Variants in ZBTB7C observed in about 807,000 individuals in gnomAD.
ZBTB7C encodes the protein zinc finger and BTB domain containing 7C, also known as zinc finger and BTB domain-containing protein 7C.
ZBTB7C carries 8 observed loss-of-function variants against 25.7 expected under a neutral mutation model. That is an observed-to-expected ratio of 0.31 (90% CI 0.18 to 0.56). The LOEUF (loss-of-function observed/expected upper bound fraction) is 0.56, where lower values mean the gene tolerates loss of function less well. ZBTB7C is among the 20% of genes least tolerant of loss of function. ZBTB7C has a pLI of 0.91. For missense variants in ZBTB7C, 824 were observed against 855.2 expected (o/e 0.96, Z 0.46); for synonymous variants, 394 against 369.0 (o/e 1.07, Z -0.78).
chr18:48,168,698 C>T (rs763120032), intron 3 of ZBTB7C, among the ~76,000 whole-genome samples: 1 of 152,204 alleles, frequency 6.6e-6, no homozygotes, highest in Non-Finnish European at 1.5e-5. Flanking sequence ...GAAAGCTTAT[C>T]ACCTGTCCTG....
intron 1 of ZBTB7C, among the ~76,000 whole-genome samples, chr18:48,393,198 C>T (rs1456975799): frequency 6.6e-6 from 1 of 152,020 alleles, no homozygotes; most frequent in Non-Finnish European, 1.5e-5. Context: ...TGGAATCAAG[C>T]GGGGCCCTGC....
chr18:48,187,820 CAA>C (rs919402026), intron 2 of ZBTB7C, among the ~76,000 whole-genome samples: 8,038 of 73,038 alleles, frequency 0.11, 229 homozygotes, highest in African/African-American at 0.19. Context: ...GACCCCGTCT[CAA>C]AAAAAAAAAA....
intron 3 of ZBTB7C, among the ~76,000 whole-genome samples, chr18:48,059,202 G>C (rs1226471278): frequency 6.6e-6 from 1 of 150,596 alleles, no homozygotes; most frequent in Non-Finnish European, 1.5e-5. Flanking sequence ...ATTTTTTTTT[G>C]CCTGGGTTTT....
chr18:48,073,308 G>A (rs1322512736), intron 3 of ZBTB7C, among the ~76,000 whole-genome samples: 2 of 152,172 alleles, frequency 1.3e-5, no homozygotes, highest in African/African-American at 4.8e-5. Flanking sequence ...GAGACATAAA[G>A]GGCTACTGGC....
chr18:48,233,196 T>G (rs564117864), intron 2 of ZBTB7C, among the ~76,000 whole-genome samples: 22 of 152,304 alleles, frequency 1.4e-4, no homozygotes, highest in African/African-American at 5.3e-4. Flanking sequence ...GTGGGTTTAT[T>G]ATAAAATGAC....
At chr18:48,147,141 C>T (rs1200007683) in intron 3 of ZBTB7C, among the ~76,000 whole-genome samples, 1 of 151,806 alleles carries the variant, frequency 6.6e-6, no homozygotes, top group African/African-American at 2.4e-5. Flanking sequence ...GCAGTGATGC[C>T]ATCTCGGCTC....
At chr18:48,161,385 G>C (rs1490088634) in intron 3 of ZBTB7C, among the ~76,000 whole-genome samples, 1 of 151,874 alleles carries the variant, frequency 6.6e-6, no homozygotes, top group African/African-American at 2.4e-5. Flanking sequence ...GGCGGGTCAG[G>C]AGACAGGGTG....
chr18:48,190,546 A>T (rs1161513217), intron 2 of ZBTB7C, among the ~76,000 whole-genome samples: 1 of 152,168 alleles, frequency 6.6e-6, no homozygotes, highest in Non-Finnish European at 1.5e-5. Context: ...CCATGAACTC[A>T]GGGGCCCTTT....
chr18:48,246,362 G>A lies in ZBTB7C; in HGVS notation c.-78-60367C>T, dbSNP rs550073273. ...GGAGAATGGCGTGGACCCGGGAGGC[G>A]GAGCTTGCAGTGAGCTGAGATCACA... On this transcript the variant is annotated intron_variant, in intron 2 of 4. Coordinates refer to ENST00000590800, the MANE Select transcript of ZBTB7C (RefSeq NM_001318841.2). Among the ~76,000 whole-genome samples the A allele has an allele frequency of 1.7e-3, 262 of 151,814 alleles. 2 individuals carry two copies. Among genetic ancestry groups the A allele is most frequent in the Middle Eastern group, 6.8e-3 (2 of 294 alleles).
intron 2 of ZBTB7C, among the ~76,000 whole-genome samples, chr18:48,235,323 G>T (rs575950701): frequency 6.6e-6 from 1 of 151,798 alleles, no homozygotes; most frequent in Non-Finnish European, 1.5e-5. Context: ...CCATTTCTAC[G>T]TTTTAGTGCT....
rs79493261 is a variant in ZBTB7C, at chr18:48,398,853, C to T, written c.-304+10373G>A. Among the ~76,000 whole-genome samples the T allele has an allele frequency of 6.5e-3, 995 of 152,284 alleles. 11 individuals are homozygous for T. The highest frequency in any genetic ancestry group is 8.6e-3 in the Non-Finnish European group (587 of 68,022). On this transcript the variant is annotated intron_variant, in intron 1 of 4. Transcript: ENST00000590800. ...GAAGTTCAACCAAAAATTATTTATT[C>T]TACCTTAATCCTTAAACAATTAAGC...
intron 2 of ZBTB7C, among the ~76,000 whole-genome samples, chr18:48,249,081 G>C (rs2043774943): frequency 6.6e-6 from 1 of 152,170 alleles, no homozygotes; most frequent in South Asian, 2.1e-4. Context: ...TTGAAATACT[G>C]TTTTATCTGT....
At chr18:48,030,069 C>T (rs765856686) in intron 4 of ZBTB7C, among the ~76,000 whole-genome samples, 158 bp from the exon 5 acceptor site, 7 of 152,122 alleles carry the variant, frequency 4.6e-5, no homozygotes, top group Non-Finnish European at 1.0e-4. Context: ...CAACTGCTGC[C>T]CCACCTTAGA....
intron 3 of ZBTB7C, among the ~76,000 whole-genome samples, chr18:48,153,766 G>A (rs988137881): frequency 6.6e-6 from 1 of 152,238 alleles, no homozygotes; most frequent in Non-Finnish European, 1.5e-5. Flanking sequence ...GAATTTGGCT[G>A]TGTTCTTTGA....
At chr18:48,207,614 T>C (rs929113386) in intron 2 of ZBTB7C, among the ~76,000 whole-genome samples, 29 of 146,994 alleles carry the variant, frequency 2.0e-4, no homozygotes, top group East Asian at 2.0e-4. Flanking sequence ...TCTATCTATC[T>C]ATCCATCTAA....
At chr18:48,319,443 G>A (rs2144843992) in intron 2 of ZBTB7C, among the ~76,000 whole-genome samples, 1 of 152,248 alleles carries the variant, frequency 6.6e-6, no homozygotes, top group Admixed American at 6.5e-5. Context: ...ATCGATGTTA[G>A]CTACGATTAT....
At chr18:48,135,449 T>C (rs2144796758) in intron 3 of ZBTB7C, among the ~76,000 whole-genome samples, 1 of 152,306 alleles carries the variant, frequency 6.6e-6, no homozygotes, top group South Asian at 2.1e-4. Context: ...GACAATGTAT[T>C]TAACCCATTT....
intron 2 of ZBTB7C, among the ~76,000 whole-genome samples, chr18:48,186,324 T>C (rs2042053530): frequency 6.6e-6 from 1 of 152,222 alleles, no homozygotes; most frequent in South Asian, 2.1e-4. Context: ...TTCTGTAGCA[T>C]GGGGTTGCCT....
intron 1 of ZBTB7C, among the ~76,000 whole-genome samples, chr18:48,399,062 A>T (rs1305562558): frequency 1.3e-5 from 2 of 152,232 alleles, no homozygotes; most frequent in Non-Finnish European, 2.9e-5. Flanking sequence ...AGATAAGTCA[A>T]GGTATAATTG....
Sources: gnomAD v4.1 joint callset for allele counts (sites outside exome capture counted in the v4.1 genomes callset) on GRCh38, gnomAD v4.1.1 for gene constraint, MANE v1.5 for transcripts, NCBI Gene and HGNC (gene_info 2026-07-23, HGNC 2026-07-21) for gene names.